The following KIAA0930 variants were observed in gnomAD, a reference collection of about 807,000 sequenced individuals.
The protein encoded by KIAA0930 is uncharacterized protein KIAA0930.
A neutral mutation model predicts 43.9 loss-of-function variants in KIAA0930; 24 were observed. The observed-to-expected ratio is 0.55, with a 90% confidence interval of 0.40 to 0.77. The LOEUF (loss-of-function observed/expected upper bound fraction) is 0.77, where lower values mean the gene tolerates loss of function less well. KIAA0930 is among the 30% of genes least tolerant of loss of function. KIAA0930 has a pLI of 0.00. For synonymous variants in KIAA0930, 259 were observed against 216.4 expected, an observed-to-expected ratio of 1.20 and a Z score of -1.73; for missense variants, 461 against 574.2, an observed-to-expected ratio of 0.80 and a Z score of 2.02.
chr22:45,228,966 G>A (rs1477937854), intron 1 of KIAA0930, among the ~76,000 whole-genome samples: 1 of 8,930 alleles, frequency 1.1e-4, no homozygotes, highest in Non-Finnish European at 1.6e-4. Context: ...CTCCACCCCC[G>A]CCATCACCAC....
chr22:45,227,367 G>A (rs1416936418), intron 1 of KIAA0930, among the ~76,000 whole-genome samples: 1 of 152,146 alleles, frequency 6.6e-6, no homozygotes, highest in Non-Finnish European at 1.5e-5. Context: ...GAGACCCACT[G>A]CATTGTGAAA....
At chr22:45,203,508 A>G (rs1340912707) in intron 6 of KIAA0930, among the ~76,000 whole-genome samples, 1 of 152,090 alleles carries the variant, frequency 6.6e-6, no homozygotes, top group Non-Finnish European at 1.5e-5. Flanking sequence ...GGCGACTCGG[A>G]GCACTCCCAG....
rs2083517726 is a variant in KIAA0930, at chr22:45,194,357, G to A, written c.*2819C>T. 6.6e-6 allele frequency: 1 copy of A among 152,018 alleles called. No homozygotes were observed. The highest frequency in any genetic ancestry group is 1.5e-5 in the Non-Finnish European group (1 of 68,022). The allele number at this position is 152,018 out of a possible 1,614,324, so 9.4% of individuals were successfully genotyped here. A position where few individuals can be genotyped will look rare whatever the true frequency, so the allele number is the denominator to read the frequency against. On this transcript the variant is annotated 3_prime_UTR_variant, in exon 10 of 10. Transcript: ENST00000336156. ...CCCAAAGTGCTGGGATTACAGGCGT[G>A]AGCCACTGCGCCCAGCCCCAATATG...
chr22:45,205,809 T>C lies in KIAA0930; in HGVS notation c.320A>G (p.Asn107Ser). 7.4e-7 allele frequency: 1 copy of C among 1,358,402 alleles called. No homozygotes were observed. Among genetic ancestry groups the C allele is most frequent in the Non-Finnish European group, 9.9e-7 (1 of 1,011,154 alleles). 84.1% of individuals were successfully genotyped at this position (1,358,402 alleles called of 1,614,324 possible). ...ACCCCATACCTTCTGCAGGATGAGA[T>C]TCAGGCAGACGCTCTCCTCCCAGTC... ...DIDWEESVCLNLILQKLDYMV... is the reference protein window; with the variant it reads ...DIDWEESVCLSLILQKLDYMV... The change falls in exon 3 of 10, where the codon AAT (asparagine) becomes AGT (serine). Residue 107 changes from asparagine (N) to serine (S), a missense_variant. Physicochemically the swap from Asn to Ser is conservative, Grantham distance 46. Coordinates refer to ENST00000336156, the MANE Select transcript of KIAA0930 (RefSeq NM_001009880.2).
chr22:45,210,017 C>T lies in KIAA0930; in HGVS notation c.216+1939G>A, dbSNP rs370570544. Among the ~76,000 whole-genome samples, 6 of 152,328 alleles carry T rather than the reference C, an allele frequency of 3.9e-5. No individual in the cohort carries two copies. The East Asian group carries it at 5.8e-4, about 15-fold the overall frequency. On this transcript the variant is annotated intron_variant, in intron 2 of 9. Transcript: ENST00000336156. ...CTCATCTGCCGTTCCTTTCTCCTCC[C>T]CCTACCCCGGCCTATCCAGGGTGCA...
At chr22:45,205,434 C>A in intron 4 of KIAA0930, 116 bp from the exon 5 acceptor site, 1 of 970,852 alleles carries the variant, frequency 1.0e-6, no homozygotes. Flanking sequence ...AAGCCAGAGA[C>A]CTACCAGGAG....
rs752156804 is a variant in KIAA0930, at chr22:45,199,962, C to G, written c.926G>C (p.Arg309Thr). 1.2e-6 allele frequency: 2 copies of G among 1,609,982 alleles called. No homozygotes were observed. The highest frequency in any genetic ancestry group is 1.7e-6 in the Non-Finnish European group (2 of 1,177,740). The change falls in exon 8 of 10, where the codon AGG becomes ACG. Residue 309 changes from arginine to threonine, a missense_variant. Transcript: ENST00000336156. Reference protein sequence around the residue: ...RPAFFSPSLKRKVPRNRIAEM... With the variant: ...RPAFFSPSLKTKVPRNRIAEM... The stretch of plus-strand genomic sequence containing the variant: ...AGCGATCCGGTTCCGGGGCACCTTC[C>G]TCTTGAGGGATGGGGAGAAGAAGGC...
chr22:45,204,085 A>C (rs1601811026), intron 5 of KIAA0930, 100 bp from the exon 6 acceptor site: 1 of 1,504,960 alleles, frequency 6.6e-7, no homozygotes, highest in East Asian at 2.3e-5. Flanking sequence ...AGAAAACCCC[A>C]TTTTGCAGGG....
chr22:45,230,580 CTTT>C (rs796595254), intron 1 of KIAA0930, among the ~76,000 whole-genome samples: 2,037 of 128,632 alleles, frequency 0.016, 48 homozygotes, highest in African/African-American at 0.056. Flanking sequence ...AGATCACATT[CTTT>C]TTTTTTTTTT....
In KIAA0930 at chr22:45,193,596, TA is replaced by T. The variant is rs2147727774; in HGVS notation, c.*3579del. 1 of 152,256 alleles carries T rather than the reference TA, an allele frequency of 6.6e-6. No individual in the cohort carries two copies. The highest frequency in any genetic ancestry group is 2.4e-5 in the African/African-American group (1 of 41,542). The allele number at this position is 152,256 out of a possible 1,614,324, so 9.4% of individuals were successfully genotyped here. A position where few individuals can be genotyped will look rare whatever the true frequency, so the allele number is the denominator to read the frequency against. ...CTGTGACTCCGTGTAGAGGGAAGAC[TA>T]ACTCACAGTCCATAAGAATCCAAAA... On this transcript the variant is annotated 3_prime_UTR_variant, in exon 10 of 10. Transcript: ENST00000336156.
At chr22:45,202,643 C>T (rs1452564965) in intron 7 of KIAA0930, 1 of 205,592 alleles carries the variant, frequency 4.9e-6, no homozygotes. Flanking sequence ...GGTCCCCAGC[C>T]AGTCTCTTCT....
chr22:45,237,865 A>G (rs2083896283), intron 1 of KIAA0930, among the ~76,000 whole-genome samples: 1 of 151,688 alleles, frequency 6.6e-6, no homozygotes, highest in Admixed American at 6.6e-5. Flanking sequence ...TCTGGGCATC[A>G]AGTTCCTAGT....
intron 1 of KIAA0930, among the ~76,000 whole-genome samples, chr22:45,217,101 C>G (rs1443693408): frequency 6.6e-6 from 1 of 152,172 alleles, no homozygotes. Flanking sequence ...CGGTTCATGC[C>G]TGTAATCCCA....
chr22:45,221,501 A>G lies in KIAA0930; in HGVS notation c.65-9394T>C, dbSNP rs113368833. On this transcript the variant is annotated intron_variant, in intron 1 of 9. Transcript: ENST00000336156. The stretch of plus-strand genomic sequence containing the variant: ...TGTTTTCACGCAGATGCCCTACCAG[A>G]ACTTAAGCTCCATGAACACATCATT... Among the ~76,000 whole-genome samples the G allele has an allele frequency of 3.0e-4, 46 of 152,324 alleles. 1 individual carries two copies. The highest frequency in any genetic ancestry group is 1.0e-3 in the African/African-American group (42 of 41,562).
Position 45,197,909 on chromosome 22 carries a change from AG to A in KIAA0930, c.1054del (p.Leu352CysfsTer13). On this transcript the variant is annotated frameshift_variant, in exon 9 of 10. Coordinates refer to ENST00000336156, the MANE Select transcript of KIAA0930 (RefSeq NM_001009880.2). LOFTEE classifies it high-confidence loss of function. ...GACCAGGGACCGTCCTGTGCCCGAC[AG>A]GGACCGAGACCGCAGGTTGGTTGCA... ...HNATNLRSRS[L>X]SGTGRSLVGS... 1 of 1,614,190 alleles carries A rather than the reference AG, an allele frequency of 6.2e-7. No homozygotes were observed. Among genetic ancestry groups the A allele is most frequent in the Non-Finnish European group, 8.5e-7 (1 of 1,180,020 alleles).
intron 8 of KIAA0930, 115 bp downstream of exon 8, chr22:45,199,758 C>A: frequency 1.8e-6 from 2 of 1,140,372 alleles, no homozygotes; most frequent in South Asian, 3.6e-5. Flanking sequence ...GGCACCCACT[C>A]TCTAAGTGCT....
At chr22:45,199,834 A>AAGGGCGCGGGGACCCT (rs746128963) in intron 8 of KIAA0930, 39 bp downstream of exon 8, 1 of 1,478,294 alleles carries the variant, frequency 6.8e-7, no homozygotes, top group South Asian at 1.4e-5. Context: ...GAAGAGACTG[A>AAGGGCGCGGGGACCCT]AGGGCACGGG....
chr22:45,219,049 CTT>C (rs1350945888), intron 1 of KIAA0930, among the ~76,000 whole-genome samples: 3 of 150,208 alleles, frequency 2.0e-5, no homozygotes, highest in African/African-American at 7.4e-5. Context: ...AAAAGGGAAA[CTT>C]TTATCTTTCG....
intron 1 of KIAA0930, among the ~76,000 whole-genome samples, chr22:45,231,222 A>AG (rs35382868): frequency 0.35 from 48,640 of 140,636 alleles, 9,825 homozygotes; most frequent in South Asian, 0.46. Flanking sequence ...ACTCCGTCTC[A>AG]GAAAAAAAAA....
Sources: gnomAD v4.1 joint callset for allele counts (sites outside exome capture counted in the v4.1 genomes callset) on GRCh38, gnomAD v4.1.1 for gene constraint, MANE v1.5 for transcripts, NCBI Gene and HGNC (gene_info 2026-07-23, HGNC 2026-07-21) for gene names.